The following PDE8B variants were observed in gnomAD, a reference collection of about 807,000 sequenced individuals.
PDE8B encodes phosphodiesterase 8B, also known as high affinity cAMP-specific and IBMX-insensitive 3',5'-cyclic phosphodiesterase 8B.
In PDE8B, 26 loss-of-function variants were observed where a neutral mutation model predicts 101.3. The observed-to-expected ratio is 0.26, with a 90% CI of 0.19 to 0.36. The LOEUF (loss-of-function observed/expected upper bound fraction) is 0.36. Among genes scored for constraint, PDE8B ranks in the 10% least tolerant of loss-of-function variants. The pLI, the probability that PDE8B is intolerant of heterozygous loss-of-function variation, is 1.00. For synonymous variants in PDE8B, 424 were observed against 429.3 expected (o/e 0.99, Z 0.15); for missense variants, 810 against 1,163.1 (o/e 0.70, Z 4.42).
the PDE8B span, among the ~76,000 whole-genome samples, chr5:77,197,688 TA>T: frequency 1.5e-3 from 109 of 73,526 alleles, no homozygotes; most frequent in Admixed American, 2.2e-3. Context: ...TCTATCAATT[TA>T]GTTAATCTTT....
At chr5:77,158,279 TA>T in the PDE8B span, among the ~76,000 whole-genome samples, 1 of 152,142 alleles carries the variant, frequency 6.6e-6, no homozygotes, top group African/African-American at 2.4e-5. Flanking sequence ...ACTCTGATGC[TA>T]AAAATATGTA....
chr5:77,154,208 A>G, the PDE8B span, among the ~76,000 whole-genome samples: 1 of 152,226 alleles, frequency 6.6e-6, no homozygotes, highest in Admixed American at 6.5e-5. Context: ...ATGGTCCTGT[A>G]GCCACATTGA....
At chr5:77,349,944 T>G (rs1371917742) in intron 8 of PDE8B, among the ~76,000 whole-genome samples, 1 of 152,160 alleles carries the variant, frequency 6.6e-6, no homozygotes, top group African/African-American at 2.4e-5. Flanking sequence ...AGGCCAGGTT[T>G]TTTTCCCAGT....
chr5:77,093,111 T>A, the PDE8B span, among the ~76,000 whole-genome samples: 1 of 152,206 alleles, frequency 6.6e-6, no homozygotes, highest in Non-Finnish European at 1.5e-5. Flanking sequence ...ATAAAGTGAG[T>A]TGGCAAGTGC....
At chr5:77,325,342 G>A (rs954002189) in intron 2 of PDE8B, among the ~76,000 whole-genome samples, 197 bp from the exon 3 acceptor site, 1 of 152,120 alleles carries the variant, frequency 6.6e-6, no homozygotes, top group African/African-American at 2.4e-5. Flanking sequence ...TAATTTTTTT[G>A]TATTTTTTGT....
chr5:77,391,546 A>G (rs1389490155), intron 10 of PDE8B, among the ~76,000 whole-genome samples: 3 of 152,230 alleles, frequency 2.0e-5, no homozygotes, highest in Non-Finnish European at 4.4e-5. Context: ...GAGCCACCTC[A>G]GCAGATGGAA....
chr5:77,244,162 A>C (rs937296634), intron 1 of PDE8B, among the ~76,000 whole-genome samples: 3 of 152,120 alleles, frequency 2.0e-5, no homozygotes, highest in Non-Finnish European at 4.4e-5. Context: ...ATCGTAGCAG[A>C]CATACAAACT....
At chr5:77,329,809 T>A (rs564837780) in intron 4 of PDE8B, among the ~76,000 whole-genome samples, 1 of 152,324 alleles carries the variant, frequency 6.6e-6, no homozygotes, top group East Asian at 1.9e-4. Context: ...CTATTGGATT[T>A]GGCTGCATTA....
intron 1 of PDE8B, among the ~76,000 whole-genome samples, chr5:77,213,793 A>C (rs1317242845): frequency 6.6e-6 from 1 of 152,098 alleles, no homozygotes; most frequent in Non-Finnish European, 1.5e-5. Flanking sequence ...CAGAGTGCAA[A>C]AATGTGTGCT....
At chr5:77,179,164 A>G in the PDE8B span, among the ~76,000 whole-genome samples, 1 of 152,268 alleles carries the variant, frequency 6.6e-6, no homozygotes, top group Admixed American at 6.5e-5. Flanking sequence ...GGCTCCTAGA[A>G]AAACGTGGCG....
chr5:77,119,320 T>A, the PDE8B span: 3 of 152,190 alleles, frequency 2.0e-5, no homozygotes, highest in Admixed American at 6.5e-5. Context: ...TCCTAGATAT[T>A]TGCCCAGCAG....
chr5:77,164,455 G>A, the PDE8B span, among the ~76,000 whole-genome samples: 3 of 152,312 alleles, frequency 2.0e-5, no homozygotes, highest in Non-Finnish European at 4.4e-5. Context: ...GAAAAGCCAA[G>A]TGTTTTCAAA....
rs543610460 is a variant in PDE8B, at chr5:77,399,428, T to G, written c.1168-820T>G. Among the ~76,000 whole-genome samples the G allele has an allele frequency of 2.6e-4, 40 of 152,360 alleles. 1 individual carries two copies. The highest frequency in any genetic ancestry group is 8.4e-4 in the African/African-American group (35 of 41,580). ...AGATGTCCTACACACTCATCTGTCT[T>G]ATTTTTCAAGTTAACCTACCCCATT... On this transcript the variant is annotated intron_variant, in intron 10 of 21. Transcript: ENST00000264917.
At position 77,249,370 on chromosome 5, in the gene PDE8B, G is replaced by T. The variant is rs1029693972; in HGVS notation, c.339+38106G>T. ...AGAAAATTCAAGCTCAAGAGAGGTT[G>T]AATGAGTTATCTAAAGCCACATAGC... On this transcript the variant is annotated intron_variant, in intron 1 of 21. Coordinates refer to ENST00000264917, the MANE Select transcript of PDE8B (RefSeq NM_003719.5). Among the ~76,000 whole-genome samples the T allele has an allele frequency of 2.0e-5, 3 of 152,216 alleles. No individual in the cohort carries two copies. The East Asian group carries it at 5.8e-4, about 29-fold the overall frequency.
the PDE8B span, among the ~76,000 whole-genome samples, chr5:77,180,864 G>A: frequency 6.6e-6 from 1 of 152,202 alleles, no homozygotes; most frequent in East Asian, 1.9e-4. Flanking sequence ...CCCGGCGCGG[G>A]ACGGTGGGGC....
the PDE8B span, chr5:77,141,733 C>T: frequency 6.6e-6 from 1 of 152,198 alleles, no homozygotes; most frequent in African/African-American, 2.4e-5. Context: ...CCGCCAATAC[C>T]ATGACATTTG....
At chr5:77,357,082 A>T (rs1241141163) in intron 10 of PDE8B, among the ~76,000 whole-genome samples, 2 of 152,128 alleles carry the variant, frequency 1.3e-5, no homozygotes, top group Non-Finnish European at 2.9e-5. Context: ...CTTTGCGGGG[A>T]GATGCAGGGC....
At chr5:77,326,296 A>G (rs1387298925) in intron 3 of PDE8B, among the ~76,000 whole-genome samples, 1 of 152,234 alleles carries the variant, frequency 6.6e-6, no homozygotes, top group Non-Finnish European at 1.5e-5. Flanking sequence ...TCATAAATAA[A>G]TGCTCAGTCA....
chr5:77,291,927 CT>C (rs1767444019), intron 1 of PDE8B: 3 of 826,752 alleles, frequency 3.6e-6, no homozygotes, highest in Admixed American at 4.0e-5. Context: ...ACTAATCCCC[CT>C]ATGACCCCAA....
Sources: gnomAD v4.1 joint callset for allele counts (sites outside exome capture counted in the v4.1 genomes callset) on GRCh38, gnomAD v4.1.1 for gene constraint, MANE v1.5 for transcripts, NCBI Gene and HGNC (gene_info 2026-07-23, HGNC 2026-07-21) for gene names.